EPHA7: variants seen among roughly 807,000 people sequenced by gnomAD.
EPHA7 encodes the protein EPH receptor A7.
A neutral mutation model predicts 112.6 loss-of-function variants in EPHA7; 25 were observed. That is an observed-to-expected ratio of 0.22 (90% confidence interval 0.16 to 0.31). EPHA7 has a LOEUF of 0.31. Ranked by LOEUF, EPHA7 falls within the 10% of genes least tolerant of loss-of-function variation. EPHA7 has a pLI of 1.00. For synonymous variants in EPHA7, 437 were observed against 406.5 expected (o/e 1.07, Z -0.90); for missense variants, 962 against 1,212.6 (o/e 0.79, Z 3.07).
intron 9 of EPHA7, among the ~76,000 whole-genome samples, chr6:93,261,327 T>G (rs2127863160): frequency 6.6e-6 from 1 of 151,718 alleles, no homozygotes; most frequent in East Asian, 1.9e-4. Context: ...CTTTCAAGTT[T>G]CTGTAAAAAT....
intron 14 of EPHA7, among the ~76,000 whole-genome samples, chr6:93,248,699 C>CAA: frequency 7.7e-6 from 1 of 130,626 alleles, no homozygotes; most frequent in African/African-American, 2.6e-5. Flanking sequence ...AAACAAACAA[C>CAA]AACAACAAAA....
At chr6:93,277,610 C>A (rs1771530294) in intron 5 of EPHA7, among the ~76,000 whole-genome samples, 1 of 151,694 alleles carries the variant, frequency 6.6e-6, no homozygotes, top group Non-Finnish European at 1.5e-5. Context: ...TAGTTAAAAC[C>A]AACATAAATT....
At chr6:93,315,981 A>G (rs1234407266) in intron 5 of EPHA7, among the ~76,000 whole-genome samples, 1 of 152,200 alleles carries the variant, frequency 6.6e-6, no homozygotes, top group East Asian at 1.9e-4. Flanking sequence ...TGTTGTAGAA[A>G]CTAAAGTTCC....
At chr6:93,286,306 G>A (rs1211355667) in intron 5 of EPHA7, among the ~76,000 whole-genome samples, 3 of 151,962 alleles carry the variant, frequency 2.0e-5, no homozygotes, top group Admixed American at 6.6e-5. Flanking sequence ...TCTATATTGC[G>A]GCATGGAGAA....
At chr6:93,391,219 G>C (rs575582553) in intron 3 of EPHA7, among the ~76,000 whole-genome samples, 1 of 151,896 alleles carries the variant, frequency 6.6e-6, no homozygotes, top group Non-Finnish European at 1.5e-5. Context: ...ATTCATGGAG[G>C]TTCTGAAAGA....
chr6:93,418,506 C>T (rs1779355700), intron 1 of EPHA7, among the ~76,000 whole-genome samples: 1 of 152,218 alleles, frequency 6.6e-6, no homozygotes. Flanking sequence ...CCAGCCCGCC[C>T]CCTGCCTCCA....
At chr6:93,358,549 T>C in intron 3 of EPHA7, 138 bp from the exon 4 acceptor site, 1 of 705,800 alleles carries the variant, frequency 1.4e-6, no homozygotes, top group East Asian at 3.0e-5. Context: ...ATATTCATTT[T>C]AGGGTATTTC....
chr6:93,281,070 A>G (rs1412967935), intron 5 of EPHA7, among the ~76,000 whole-genome samples: 1 of 152,166 alleles, frequency 6.6e-6, no homozygotes, highest in Non-Finnish European at 1.5e-5. Context: ...AGATTTTTGA[A>G]ATCACATTGA....
Position 93,281,232 on chromosome 6 carries a change from G to C in EPHA7, c.1325-8810C>G, listed in dbSNP as rs192626761. On this transcript the variant is annotated intron_variant, in intron 5 of 16. Transcript: ENST00000369303. ...AAGAAAATGAAATGACTACCAAAAT[G>C]AGACGAAGACCAACAACACACACTC... Among the ~76,000 whole-genome samples, 359 of 152,234 alleles carry C rather than the reference G, an allele frequency of 2.4e-3. 1 individual carries two copies. The highest frequency in any genetic ancestry group is 8.0e-3 in the African/African-American group (334 of 41,556).
intron 5 of EPHA7, among the ~76,000 whole-genome samples, chr6:93,343,776 A>C (rs931972186): frequency 1.3e-5 from 2 of 151,684 alleles, no homozygotes; most frequent in Non-Finnish European, 3.0e-5. Flanking sequence ...ATGAAACATC[A>C]AAGTAGGCAG....
intron 5 of EPHA7, among the ~76,000 whole-genome samples, chr6:93,311,025 C>T (rs1291314191): frequency 6.6e-6 from 1 of 151,196 alleles, no homozygotes; most frequent in African/African-American, 2.4e-5. Context: ...TCACAGCTCA[C>T]TGCAACCTTG....
In EPHA7 at chr6:93,254,676, T is replaced by G. The variant is rs1302406529; in HGVS notation, c.2503A>C (p.Arg835=). 6 of 1,612,834 alleles carry G rather than the reference T, an allele frequency of 3.7e-6. No individual in the cohort carries two copies. The highest frequency in any genetic ancestry group is 5.1e-6 in the Non-Finnish European group (6 of 1,179,186). The change falls in exon 14 of 17, where the codon AGA becomes CGA. Residue 835 remains arginine (R), a synonymous_variant. Transcript: ENST00000369303. ...TGATTTGACATGTCCCAATAAGGTC[T>G]TTCTCCATAAGACATAACTTCCCAC... The part of the protein sequence containing the change: ...VMWEVMSYGE[R]PYWDMSNQDV...
chr6:93,395,790 CAGAA>C (rs909929943), intron 3 of EPHA7, among the ~76,000 whole-genome samples: 2 of 151,870 alleles, frequency 1.3e-5, no homozygotes, highest in African/African-American at 4.8e-5. Flanking sequence ...TAGAATCTGA[CAGAA>C]AGCTGCCACT....
chr6:93,401,251 T>C (rs538407472), intron 3 of EPHA7, among the ~76,000 whole-genome samples: 2 of 152,174 alleles, frequency 1.3e-5, no homozygotes, highest in African/African-American at 2.4e-5. Flanking sequence ...ATAAAAAATA[T>C]AACCATTAAA....
intron 12 of EPHA7, 100 bp from the exon 13 acceptor site, chr6:93,256,137 T>A (rs1488176449): frequency 1.0e-6 from 1 of 1,004,220 alleles, no homozygotes; most frequent in Non-Finnish European, 1.5e-6. Flanking sequence ...TGCTATTGTA[T>A]AATAGGAATT....
At chr6:93,308,028 G>A (rs1773344756) in intron 5 of EPHA7, among the ~76,000 whole-genome samples, 1 of 152,136 alleles carries the variant, frequency 6.6e-6, no homozygotes, top group African/African-American at 2.4e-5. Flanking sequence ...TGTGCTCTTG[G>A]TGCAGGGTGT....
rs563343025 is a variant in EPHA7, at chr6:93,381,138, T to C, written c.833-22727A>G. 3.3e-5 allele frequency among the ~76,000 whole-genome samples: 5 copies of C among 152,314 alleles called. No individual in the cohort carries two copies. The South Asian group carries it at 1.0e-3, about 32-fold the overall frequency. On this transcript the variant is annotated intron_variant, in intron 3 of 16. Coordinates refer to ENST00000369303, the MANE Select transcript of EPHA7 (RefSeq NM_004440.4). Reference sequence around the variant, plus strand: ...GTTATCAGTTATCGGGTATATTTATTTCAAAGAATTTACATTTGCCATTTT... The same window carrying C: ...GTTATCAGTTATCGGGTATATTTATCTCAAAGAATTTACATTTGCCATTTT...
At chr6:93,340,394 T>C (rs946513585) in intron 5 of EPHA7, among the ~76,000 whole-genome samples, 1 of 151,848 alleles carries the variant, frequency 6.6e-6, no homozygotes, top group Non-Finnish European at 1.5e-5. Flanking sequence ...TCTAGAAATA[T>C]TATGGATACA....
chr6:93,322,706 T>C (rs938500926), intron 5 of EPHA7, among the ~76,000 whole-genome samples: 1 of 151,616 alleles, frequency 6.6e-6, no homozygotes, highest in African/African-American at 2.4e-5. Context: ...TAGGACCCAT[T>C]TTCATGAACT....
Sources: gnomAD v4.1 joint callset for allele counts (sites outside exome capture counted in the v4.1 genomes callset) on GRCh38, gnomAD v4.1.1 for gene constraint, MANE v1.5 for transcripts, NCBI Gene and HGNC (gene_info 2026-07-23, HGNC 2026-07-21) for gene names.